Variants in MTMR4 observed in about 807,000 individuals in gnomAD.
MTMR4 encodes phosphatidylinositol-3,5-bisphosphate 3-phosphatase MTMR4.
In MTMR4, 30 loss-of-function variants were observed where a neutral mutation model predicts 125.5. The ratio of observed to expected loss-of-function variants is 0.24; its 90% CI spans 0.18 to 0.32. MTMR4 has a LOEUF of 0.32. Ranked by LOEUF, MTMR4 falls within the 10% of genes least tolerant of loss-of-function variation. MTMR4 has a pLI of 1.00. For missense variants in MTMR4, 1,039 were observed against 1,511.5 expected (o/e 0.69, Z 5.18); for synonymous variants, 498 against 564.5 (o/e 0.88, Z 1.67).
Position 58,512,365 on chromosome 17 carries a change from G to T in MTMR4, c.252+25C>A. On this transcript the variant is annotated intron_variant, in intron 3 of 17. Transcript: ENST00000682306. The surrounding 1 kb of genome is among the most constrained non-coding windows in gnomAD (Gnocchi z 4.1). ...ACTTCATAGGGATTCTAGCTTAGGG[G>T]TAGGAGAACAATACAGAAACTCACG... 1 of 1,536,284 alleles carries T rather than the reference G, an allele frequency of 6.5e-7. No individual in the cohort carries two copies. Among genetic ancestry groups the T allele is most frequent in the Non-Finnish European group, 9.0e-7 (1 of 1,108,996 alleles).
In MTMR4 at chr17:58,492,592, C is replaced by G; in HGVS notation, c.3371G>C (p.Arg1124Pro). ...PVDKKETEVT[R>P]WVPDHMASHC... ...TGATGCCATATGGTCTGGAACCCAG[C>G]GAGTCACCTAATAGAAGGCACAAAG... The change falls in exon 17 of 18, where the codon CGC becomes CCC. Residue 1124 changes from arginine to proline, a missense_variant. Physicochemically the swap from Arg to Pro is moderately radical, Grantham distance 103 (BLOSUM62 -2). Around this residue, in one of 6 missense-constraint regions of MTMR4, gnomAD observed 60 missense variants for 129.6 expected, o/e 0.46. Coordinates refer to ENST00000682306, the MANE Select transcript of MTMR4 (RefSeq NM_001378067.1). The G allele has an allele frequency of 6.2e-7, 1 of 1,613,756 alleles. No homozygotes were observed. The highest frequency in any genetic ancestry group is 8.5e-7 in the Non-Finnish European group (1 of 1,179,880).
At chr17:58,510,287 A>C (rs1349055183) in intron 4 of MTMR4, among the ~76,000 whole-genome samples, 1 of 151,700 alleles carries the variant, frequency 6.6e-6, no homozygotes, top group Non-Finnish European at 1.5e-5. Context: ...CACTACCCTC[A>C]CCCACACGTG....
Position 58,504,062 on chromosome 17 carries a change from G to A in MTMR4, c.1686C>T (p.Pro562=), listed in dbSNP as rs1391542151. ...NKNFHNFLYT[P]SSDMVLHPVC... ...GGCTCAGACTCACCATGTCTGAGCT[G>A]GGTGTGTAGAGGAAGTTATGAAAGT... The change falls in exon 13 of 18, where the codon CCC becomes CCT. Residue 562 remains proline (P), a synonymous_variant. Transcript: ENST00000682306. The surrounding 1 kb of genome is among the most constrained non-coding windows in gnomAD (Gnocchi z 7.1). 1 of 1,562,150 alleles carries A rather than the reference G, an allele frequency of 6.4e-7. No individual in the cohort carries two copies. Among genetic ancestry groups the A allele is most frequent in the Non-Finnish European group, 8.7e-7 (1 of 1,155,288 alleles).
At chr17:58,498,793 G>T (rs1482978943) in intron 14 of MTMR4, among the ~76,000 whole-genome samples, 1 of 151,996 alleles carries the variant, frequency 6.6e-6, no homozygotes, top group Non-Finnish European at 1.5e-5. Context: ...CCCCAAACTG[G>T]CTGGTCTTCT....
chr17:58,505,133 G>A (rs573303081), intron 10 of MTMR4, among the ~76,000 whole-genome samples, 159 bp from the exon 11 acceptor site: 62 of 152,318 alleles, frequency 4.1e-4, no homozygotes, highest in African/African-American at 1.4e-3. Flanking sequence ...CTAGCAGGAA[G>A]GTAGGGAAGA....
intron 14 of MTMR4, among the ~76,000 whole-genome samples, chr17:58,497,746 A>G (rs1186229423): frequency 1.3e-5 from 2 of 152,208 alleles, no homozygotes; most frequent in Non-Finnish European, 2.9e-5. Flanking sequence ...CTAGGTGCCA[A>G]TTGAATGTGT....
chr17:58,505,482 C>T lies in MTMR4; in HGVS notation c.1135G>A (p.Asp379Asn). 6.2e-7 allele frequency: 1 copy of T among 1,612,110 alleles called. No homozygotes were observed. Among genetic ancestry groups the T allele is most frequent in the Non-Finnish European group, 8.5e-7 (1 of 1,178,714 alleles). ...GTAGGGAACACCTACTTGCTAGGAT[C>T]CGGCATCTGGCTACACACAGCCCGG... The part of the protein sequence containing the change: ...YLRAVCSQMP[D>N]PSNWLSALES... Residue 379 changes from aspartate (D) to asparagine (N), a missense_variant, in exon 10 of 18, where the codon GAT becomes AAT. Transcript: ENST00000682306.
Position 58,490,990 on chromosome 17 carries a change from C to T in MTMR4, c.*673G>A, listed in dbSNP as rs1301640259. 6.6e-6 allele frequency: 1 copy of T among 152,612 alleles called. No individual in the cohort carries two copies. Among genetic ancestry groups the T allele is most frequent in the Non-Finnish European group, 1.5e-5 (1 of 68,052 alleles). The allele number at this position is 152,612 out of a possible 1,614,324, so 9.5% of individuals were successfully genotyped here. On this transcript the variant is annotated 3_prime_UTR_variant, in exon 18 of 18. Transcript: ENST00000682306. ...AGGACCGAACATCAGCAGAGTTTTC[C>T]TCTGCTCCCAAAAATGTCTCACTCC...
chr17:58,495,546 T>C lies in MTMR4; in HGVS notation c.2638A>G (p.Arg880Gly). The C allele has an allele frequency of 2.5e-6, 4 of 1,614,194 alleles. No homozygotes were observed. Among genetic ancestry groups the C allele is most frequent in the Non-Finnish European group, 3.4e-6 (4 of 1,180,040 alleles). Reference sequence around the variant, plus strand: ...AACTGCCCATTCCTATTATTTCCTCTTTTACCAATGTCTTCCTCCCCATGG... The same window carrying C: ...AACTGCCCATTCCTATTATTTCCTCCTTTACCAATGTCTTCCTCCCCATGG... ...LTHGEEDIGKRGNNRNGQLLE... is the reference protein window; with the variant it reads ...LTHGEEDIGKGGNNRNGQLLE... The change falls in exon 15 of 18, where the codon AGA becomes GGA. Residue 880 changes from arginine (R) to glycine (G), a missense_variant. Arg to Gly is a moderately radical substitution (Grantham distance 125). This residue lies in a region of MTMR4 where 619 missense variants were observed against 714.5 expected (regional missense o/e 0.87). Coordinates refer to ENST00000682306, the MANE Select transcript of MTMR4 (RefSeq NM_001378067.1).
At chr17:58,505,869 T>C (rs1214998733) in intron 9 of MTMR4, among the ~76,000 whole-genome samples, 1 of 152,120 alleles carries the variant, frequency 6.6e-6, no homozygotes, top group Non-Finnish European at 1.5e-5. Flanking sequence ...GATGGCACAT[T>C]GCACTCCAGC....
At chr17:58,493,055 T>C in intron 15 of MTMR4, 103 bp from the exon 16 acceptor site, 1 of 822,840 alleles carries the variant, frequency 1.2e-6, no homozygotes, top group South Asian at 1.5e-5. Flanking sequence ...CATGAACTTA[T>C]TTCTTATGAC....
In MTMR4 at chr17:58,504,763, G is replaced by A. The variant is rs374629245; in HGVS notation, c.1341+16C>T. The A allele has an allele frequency of 1.8e-5, 28 of 1,582,582 alleles. No homozygotes were observed. The Admixed American group carries it at 2.2e-4, about 13-fold the overall frequency. The stretch of plus-strand genomic sequence containing the variant: ...CCACATTCCTTCTGGTTTTCCCACC[G>A]AATTCCTCTCAATACCTCCAACGTC... On this transcript the variant is annotated intron_variant, in intron 11 of 17. Coordinates refer to ENST00000682306, the MANE Select transcript of MTMR4 (RefSeq NM_001378067.1). The surrounding 1 kb of genome is among the most constrained non-coding windows in gnomAD (Gnocchi z 7.1).
chr17:58,498,538 G>GGGGGGAGGAGGGGGGAGGA (rs1309435612), intron 14 of MTMR4, among the ~76,000 whole-genome samples: 2 of 93,250 alleles, frequency 2.1e-5, no homozygotes, highest in Non-Finnish European at 4.6e-5. Flanking sequence ...CGGGGGAGGA[G>GGGGGGAGGAGGGGGGAGGA]GGGGGAGGAG....
In MTMR4 at chr17:58,491,607, C is replaced by G; in HGVS notation, c.*56G>C. On this transcript the variant is annotated 3_prime_UTR_variant, in exon 18 of 18. Transcript: ENST00000682306. ...CACCAAGGAACCTTCCAAACTACAA[C>G]TGAAGAAGATCCTCCCTTCAAACCT... 2 of 1,546,448 alleles carry G rather than the reference C, an allele frequency of 1.3e-6. No individual in the cohort carries two copies. The highest frequency in any genetic ancestry group is 1.8e-6 in the Non-Finnish European group (2 of 1,131,828).
At chr17:58,493,708 C>T (rs188412794) in intron 15 of MTMR4, among the ~76,000 whole-genome samples, 1 of 152,076 alleles carries the variant, frequency 6.6e-6, no homozygotes, top group East Asian at 1.9e-4. Flanking sequence ...GACGGTATGG[C>T]CCACAAAACC....
intron 14 of MTMR4, among the ~76,000 whole-genome samples, chr17:58,498,747 T>A (rs190274979): frequency 4.1e-4 from 62 of 152,272 alleles, no homozygotes; most frequent in African/African-American, 1.4e-3. Context: ...TGTCAACTAA[T>A]ATTTCAATCC....
At chr17:58,514,717 A>G, upstream of MTMR4, 3 of 961,280 alleles carry the variant, frequency 3.1e-6, no homozygotes, top group Non-Finnish European at 3.7e-6. Context: ...CCCCGCCCAC[A>G]AGCCCAGCCT....
intron 14 of MTMR4, among the ~76,000 whole-genome samples, chr17:58,503,048 G>A (rs1185592081): frequency 1.3e-5 from 2 of 152,188 alleles, no homozygotes; most frequent in Non-Finnish European, 2.9e-5. Flanking sequence ...TTCCCTGAGA[G>A]TCAGATGTTT....
Position 58,508,913 on chromosome 17 carries a change from A to G in MTMR4, c.336-72T>C. The G allele has an allele frequency of 6.5e-7, 1 of 1,530,020 alleles. No homozygotes were observed. The highest frequency in any genetic ancestry group is 8.9e-7 in the Non-Finnish European group (1 of 1,119,864). The allele number at this position is 1,530,020 out of a possible 1,614,324, so 94.8% of individuals were successfully genotyped here. A position where few individuals can be genotyped will look rare whatever the true frequency, so the allele number is the denominator to read the frequency against. On this transcript the variant is annotated intron_variant, in intron 4 of 17. Transcript: ENST00000682306. The surrounding 1 kb of genome is among the most constrained non-coding windows in gnomAD (Gnocchi z 4.8). ...TGCCATGGGGCTATCAGGGCCAAAAACACAGCCACAGGAAGGCTGTGAGGA... is the reference window on the plus strand; with the variant it reads ...TGCCATGGGGCTATCAGGGCCAAAAGCACAGCCACAGGAAGGCTGTGAGGA...
Sources: gnomAD v4.1 joint callset for allele counts (sites outside exome capture counted in the v4.1 genomes callset) on GRCh38, gnomAD v4.1.1 for gene constraint, gnomAD v4.1.1 regional missense constraint, Gnocchi (gnomAD v3.1) non-coding constraint, MANE v1.5 for transcripts, NCBI Gene and HGNC (gene_info 2026-07-23, HGNC 2026-07-21) for gene names.